The following HLTF variants were observed in gnomAD, a reference collection of about 807,000 sequenced individuals.
The protein encoded by HLTF is helicase like transcription factor.
HLTF carries 127 observed loss-of-function variants against 129.4 expected under a neutral mutation model. The observed-to-expected ratio is 0.98, with a 90% CI of 0.85 to 1.14. The LOEUF (loss-of-function observed/expected upper bound fraction) is 1.14, where lower values mean the gene tolerates loss of function less well. HLTF is among the 50% of genes most tolerant of loss of function. The pLI, the probability that HLTF is intolerant of heterozygous loss-of-function variation, is 0.00. For missense variants in HLTF, 1,139 were observed against 1,187.1 expected (o/e 0.96, Z 0.60); for synonymous variants, 332 against 388.8 (o/e 0.85, Z 1.72).
chr3:149,071,864 T>C (rs1014014920), intron 5 of HLTF, among the ~76,000 whole-genome samples: 11 of 151,976 alleles, frequency 7.2e-5, no homozygotes, highest in African/African-American at 2.4e-4. Flanking sequence ...CTGGATAACA[T>C]AGTGAGAGAT....
intron 10 of HLTF, chr3:149,063,049 C>A (rs534068003): frequency 6.6e-6 from 3 of 456,536 alleles, no homozygotes; most frequent in African/African-American, 6.0e-5. Context: ...TCATGGTCAT[C>A]TCTATCTCTC....
At chr3:149,073,093 CAT>C (rs1275317738) in intron 5 of HLTF, 130 bp downstream of exon 5, 12 of 472,926 alleles carry the variant, frequency 2.5e-5, no homozygotes, top group Admixed American at 4.1e-5. Context: ...TATTCTATAA[CAT>C]GTTTCATTAT....
rs1391604508 is a variant in HLTF, at chr3:149,073,257, C to G, written c.595G>C (p.Val199Leu). ...GTTGTCATCTGTACTGCAGCATGCA[C>G]TGGCATACTATAGCTTGGTCCAGCT... Reference protein sequence around the residue: ...GRAGPSYSMPVHAAVQMTTEQ... With the variant: ...GRAGPSYSMPLHAAVQMTTEQ... The change falls in exon 5 of 25, where the codon GTG (valine) becomes CTG (leucine). Residue 199 changes from valine to leucine, a missense_variant. Physicochemically the swap from Val to Leu is conservative, Grantham distance 32. Transcript: ENST00000310053. 1.2e-6 allele frequency: 2 copies of G among 1,611,430 alleles called. No homozygotes were observed. The highest frequency in any genetic ancestry group is 2.7e-5 in the African/African-American group (2 of 74,916).
chr3:149,041,780 T>G, intron 19 of HLTF, 112 bp from the exon 20 acceptor site: 1 of 732,830 alleles, frequency 1.4e-6, no homozygotes, highest in Non-Finnish European at 2.2e-6. Context: ...CTCATCATTT[T>G]CTGCCATAGG....
chr3:149,063,063 T>C, intron 10 of HLTF: 1 of 456,970 alleles, frequency 2.2e-6, no homozygotes, highest in Non-Finnish European at 4.4e-6. Flanking sequence ...ATCTCTCTCT[T>C]TTTCTTTTTT....
chr3:149,073,165 A>G, intron 5 of HLTF, 60 bp downstream of exon 5: 8 of 1,148,338 alleles, frequency 7.0e-6, no homozygotes, highest in Non-Finnish European at 8.8e-6. Flanking sequence ...TGTTCTTTTA[A>G]ATACAAACCT....
In HLTF at chr3:149,040,098, C is replaced by T. The variant is rs747370512; in HGVS notation, c.2435G>A (p.Cys812Tyr). Residue 812 changes from cysteine to tyrosine, a missense_variant, in exon 21 of 25, where the codon TGT becomes TAT. By Grantham distance (194) the Cys-to-Tyr change is radical. Transcript: ENST00000310053. ...NDIHEDNLLECPPEELARDSE... is the reference protein window; with the variant it reads ...NDIHEDNLLEYPPEELARDSE... ...GTCACGTGCTAATTCTTCTGGAGGA[C>T]ATTCTAATAAATTATCTTCATGTAT... is the stretch of plus-strand genomic sequence containing the variant. The T allele has an allele frequency of 1.9e-6, 3 of 1,610,208 alleles. No individual in the cohort carries two copies. The highest frequency in any genetic ancestry group is 1.3e-5 in the African/African-American group (1 of 74,840).
At position 149,070,182 on chromosome 3, in the gene HLTF, G is replaced by GTA. The variant is rs558969063; in HGVS notation, c.894+1068_894+1069dup. ...CTAATATTTATTGAATTTTGATGCAGTATATCAAAGAAATCTGCAATTATC... is the reference window on the plus strand; with the variant it reads ...CTAATATTTATTGAATTTTGATGCAGTATATATCAAAGAAATCTGCAATTATC... On this transcript the variant is annotated intron_variant, in intron 7 of 24. Transcript: ENST00000310053. 5.7e-3 allele frequency among the ~76,000 whole-genome samples: 870 copies of GTA among 152,238 alleles called. 3 individuals are homozygous for GTA. The highest frequency in any genetic ancestry group is 8.2e-3 in the Non-Finnish European group (556 of 68,002).
chr3:149,076,931 G>A (rs1336718316), intron 2 of HLTF, among the ~76,000 whole-genome samples: 1 of 152,080 alleles, frequency 6.6e-6, no homozygotes, highest in Non-Finnish European at 1.5e-5. Flanking sequence ...CAGTACTTCA[G>A]TCCCATCCCC....
chr3:149,051,712 T>C (rs1020206640), intron 14 of HLTF, among the ~76,000 whole-genome samples: 1 of 151,898 alleles, frequency 6.6e-6, no homozygotes, highest in African/African-American at 2.4e-5. Context: ...AATACAAAAA[T>C]TAGCTGGGCA....
rs147417179 is a variant in HLTF at position 149,060,372 on chromosome 3, T to C, written c.1285+271A>G. On this transcript the variant is annotated intron_variant, in intron 12 of 24. Transcript: ENST00000310053. ...TTCATACTACACACATAGGTTTTATTGAAGTCATTTTATAGGTAGTAGAAA... is the reference window on the plus strand; with the variant it reads ...TTCATACTACACACATAGGTTTTATCGAAGTCATTTTATAGGTAGTAGAAA... Among the ~76,000 whole-genome samples, 620 of 152,302 alleles carry C rather than the reference T, an allele frequency of 4.1e-3. 3 individuals carry two copies. Among genetic ancestry groups the C allele is most frequent in the African/African-American group, 0.014 (594 of 41,574 alleles).
rs772378778 is a variant in HLTF, at chr3:149,059,810, G to A, written c.1286-3C>T. The A allele has an allele frequency of 6.3e-7, 1 of 1,578,560 alleles. No individual in the cohort carries two copies. ...TTCTATAACCTTAGAAGATCCTGCTGATAAAACAACAAAGAATCTTAAATT... is the reference window on the plus strand; with the variant it reads ...TTCTATAACCTTAGAAGATCCTGCTAATAAAACAACAAAGAATCTTAAATT... On this transcript the variant is annotated splice_region_variant and splice_polypyrimidine_tract_variant and intron_variant, in intron 12 of 24. Transcript: ENST00000310053.
rs1022863095 is a variant in HLTF at position 149,065,666 on chromosome 3, C to T, written c.991-800G>A. 5.5e-4 allele frequency among the ~76,000 whole-genome samples: 83 copies of T among 152,148 alleles called. 1 individual carries two copies. Among genetic ancestry groups the T allele is most frequent in the African/African-American group, 2.0e-3 (81 of 41,526 alleles). ...CCAACACAGCAAAACCCTGTCTCTA[C>T]TAAATAGACACAGATTAGCCAGGCA... is the stretch of plus-strand genomic sequence containing the variant. On this transcript the variant is annotated intron_variant, in intron 8 of 24. Coordinates refer to ENST00000310053, the MANE Select transcript of HLTF (RefSeq NM_003071.4).
At chr3:149,051,593 G>A (rs1717000893) in intron 14 of HLTF, among the ~76,000 whole-genome samples, 1 of 152,224 alleles carries the variant, frequency 6.6e-6, no homozygotes, top group Non-Finnish European at 1.5e-5. Context: ...AGGTGCAGTA[G>A]CTCATGCCTG....
intron 23 of HLTF, among the ~76,000 whole-genome samples, chr3:149,035,307 G>A (rs887900951): frequency 2.0e-5 from 3 of 151,422 alleles, no homozygotes; most frequent in Non-Finnish European, 4.4e-5. Context: ...GAATCTATGT[G>A]TGCTTAACAG....
At chr3:149,052,863 G>C (rs1717108329) in intron 14 of HLTF, among the ~76,000 whole-genome samples, 1 of 152,158 alleles carries the variant, frequency 6.6e-6, no homozygotes, top group South Asian at 2.1e-4. Flanking sequence ...TGGAACAGAA[G>C]AAAATCAGCT....
At chr3:149,039,514 T>C in intron 22 of HLTF, 67 bp downstream of exon 22, 1 of 753,544 alleles carries the variant, frequency 1.3e-6, no homozygotes, top group East Asian at 2.9e-5. Flanking sequence ...TTTTTTTTTT[T>C]GCTATCCAAA....
intron 19 of HLTF, 77 bp from the exon 20 acceptor site, chr3:149,041,745 T>G: frequency 9.8e-7 from 1 of 1,021,474 alleles, no homozygotes; most frequent in South Asian, 1.5e-5. Context: ...TAAGGAAAAG[T>G]TTCGCTTGCC....
At chr3:149,085,557 T>C (rs1368486474) in intron 1 of HLTF, among the ~76,000 whole-genome samples, 1 of 152,178 alleles carries the variant, frequency 6.6e-6, no homozygotes, top group East Asian at 1.9e-4. Flanking sequence ...ATAAAAGACT[T>C]ATAAAAATAC....
Sources: allele counts gnomAD v4.1 joint callset (sites outside exome capture counted in the v4.1 genomes callset), GRCh38; gene constraint gnomAD v4.1.1; transcripts MANE v1.5; gene names NCBI Gene and HGNC (gene_info 2026-07-23, HGNC 2026-07-21).